Variants in DISC1 observed in about 807,000 individuals in gnomAD.
The protein encoded by DISC1 is DISC1 scaffold protein, also known as disrupted in schizophrenia 1 protein.
A neutral mutation model predicts 84.5 loss-of-function variants in DISC1; 57 were observed. The observed-to-expected ratio is 0.67, with a 90% CI of 0.55 to 0.84. DISC1 has a LOEUF of 0.84. DISC1 is among the 40% of genes least tolerant of loss of function. DISC1 has a pLI of 0.00. For synonymous variants in DISC1, 411 were observed against 415.2 expected, an observed-to-expected ratio of 0.99 and a Z score of 0.12; for missense variants, 1,000 against 1,057.8, an observed-to-expected ratio of 0.95 and a Z score of 0.76.
At chr1:231,965,614 T>C (rs1484524499) in intron 10 of DISC1, among the ~76,000 whole-genome samples, 1 of 152,244 alleles carries the variant, frequency 6.6e-6, no homozygotes, top group Non-Finnish European at 1.5e-5. Flanking sequence ...CCTTGTTATG[T>C]CCTCCTCCTC....
intron 9 of DISC1, among the ~76,000 whole-genome samples, chr1:231,844,651 G>A (rs2083314810): frequency 6.6e-6 from 1 of 152,138 alleles, no homozygotes; most frequent in African/African-American, 2.4e-5. Flanking sequence ...ATTGGCAATT[G>A]GTCAAAAGAG....
At chr1:231,888,737 C>A (rs1357461359) in intron 9 of DISC1, among the ~76,000 whole-genome samples, 6 of 42,322 alleles carry the variant, frequency 1.4e-4, no homozygotes, top group African/African-American at 4.8e-4. Flanking sequence ...GGCTCTGTCT[C>A]CAAAAAAAAA....
chr1:231,675,033 G>A lies in DISC1; in HGVS notation c.68-18793G>A, dbSNP rs921028957. Among the ~76,000 whole-genome samples the A allele has an allele frequency of 6.6e-6, 1 of 152,160 alleles. No individual in the cohort carries two copies. The highest frequency in any genetic ancestry group is 6.5e-5 in the Admixed American group (1 of 15,272). The stretch of plus-strand genomic sequence containing the variant: ...AAATGTGCCCACAAGCATAATCTCT[G>A]AATTGGTGGATTTAAAACAAAGTTG... On this transcript the variant is annotated intron_variant, in intron 1 of 12. Coordinates refer to ENST00000439617, the MANE Select transcript of DISC1 (RefSeq NM_018662.3). The surrounding 1 kb of genome is among the most constrained non-coding windows in gnomAD (Gnocchi z 4.1).
chr1:231,944,316 G>C (rs1398906974), intron 9 of DISC1, among the ~76,000 whole-genome samples: 1 of 152,168 alleles, frequency 6.6e-6, no homozygotes, highest in Non-Finnish European at 1.5e-5. Flanking sequence ...GGTTTCTGCA[G>C]CTACTCCCAG....
intron 9 of DISC1, among the ~76,000 whole-genome samples, chr1:231,886,764 T>C (rs1346891268): frequency 3.2e-5 from 3 of 94,720 alleles, no homozygotes; most frequent in East Asian, 3.0e-4. Context: ...TCTTCCTTCC[T>C]TCCTTTCTTT....
chr1:232,034,751 C>G (rs1670359366), intron 12 of DISC1, among the ~76,000 whole-genome samples: 1 of 152,204 alleles, frequency 6.6e-6, no homozygotes, highest in African/African-American at 2.4e-5. Flanking sequence ...CATGCCTGCT[C>G]TTCACAGATG....
chr1:231,720,087 G>A (rs965764816), intron 3 of DISC1, among the ~76,000 whole-genome samples: 1 of 152,150 alleles, frequency 6.6e-6, no homozygotes, highest in Non-Finnish European at 1.5e-5. Context: ...GCTACCGAGC[G>A]TGGCAACTTC....
intron 1 of DISC1, among the ~76,000 whole-genome samples, chr1:231,650,470 C>T (rs1044867505): frequency 1.3e-5 from 2 of 152,182 alleles, no homozygotes; most frequent in Non-Finnish European, 2.9e-5. Flanking sequence ...GGTAACCCGA[C>T]CTTTCTCTCT....
At chr1:231,857,460 G>A (rs1258586399) in intron 9 of DISC1, among the ~76,000 whole-genome samples, 1 of 152,092 alleles carries the variant, frequency 6.6e-6, no homozygotes, top group Admixed American at 6.5e-5. Flanking sequence ...ACTGGCCTGG[G>A]AATCACGACA....
intron 6 of DISC1, among the ~76,000 whole-genome samples, chr1:231,777,780 T>A (rs1434423296): frequency 6.6e-6 from 1 of 152,226 alleles, no homozygotes; most frequent in Non-Finnish European, 1.5e-5. Context: ...TTTTAATATC[T>A]CTGTTATTTA....
intron 9 of DISC1, among the ~76,000 whole-genome samples, chr1:231,928,923 A>T (rs1299245817): frequency 6.6e-6 from 1 of 152,178 alleles, no homozygotes; most frequent in Non-Finnish European, 1.5e-5. Context: ...TCTGAGAGAC[A>T]GTTTGTTATG....
chr1:231,966,423 T>A (rs1300732423), intron 10 of DISC1, among the ~76,000 whole-genome samples: 1 of 152,230 alleles, frequency 6.6e-6, no homozygotes, highest in Non-Finnish European at 1.5e-5. Context: ...ATCTGTTATC[T>A]TTTTTAAAGG....
chr1:231,920,551 G>A (rs1444978303), intron 9 of DISC1, among the ~76,000 whole-genome samples: 1 of 152,148 alleles, frequency 6.6e-6, no homozygotes, highest in Admixed American at 6.5e-5. Context: ...ATTTCACTTA[G>A]TGTAACGTCC....
At chr1:231,799,744 T>C (rs1187279497) in intron 7 of DISC1, among the ~76,000 whole-genome samples, 1 of 151,168 alleles carries the variant, frequency 6.6e-6, no homozygotes, top group Non-Finnish European at 1.5e-5. Context: ...ATCAGTTTTG[T>C]AATTGGATGT....
intron 9 of DISC1, among the ~76,000 whole-genome samples, chr1:231,839,751 C>T (rs151323264): frequency 1.4e-4 from 21 of 152,314 alleles, no homozygotes; most frequent in Middle Eastern, 3.4e-3. Flanking sequence ...CTGCCATCTG[C>T]TTCTGGCAAG....
chr1:231,898,331 A>G (rs1269871826), intron 9 of DISC1, among the ~76,000 whole-genome samples: 1 of 152,118 alleles, frequency 6.6e-6, no homozygotes, highest in Non-Finnish European at 1.5e-5. Context: ...TTCAGAAGGA[A>G]CTCAGGGGTG....
intron 2 of DISC1, among the ~76,000 whole-genome samples, chr1:231,696,786 G>A (rs897336262): frequency 6.6e-6 from 1 of 152,224 alleles, no homozygotes; most frequent in African/African-American, 2.4e-5. Context: ...AGGAGCAATA[G>A]ACTATTCCAT....
intron 7 of DISC1, among the ~76,000 whole-genome samples, chr1:231,796,098 AGAATAC>A (rs374388779): frequency 2.8e-4 from 43 of 152,312 alleles, no homozygotes; most frequent in African/African-American, 9.1e-4. Context: ...GTGTACAGAC[AGAATAC>A]GTCTTCACTA....
chr1:231,738,548 G>A (rs1037187271), intron 3 of DISC1, among the ~76,000 whole-genome samples: 10 of 151,994 alleles, frequency 6.6e-5, no homozygotes, highest in East Asian at 1.9e-4. Flanking sequence ...GATACTGTGC[G>A]TTCACATCAG....
Sources: gnomAD v4.1 joint callset for allele counts (sites outside exome capture counted in the v4.1 genomes callset) on GRCh38, gnomAD v4.1.1 for gene constraint, Gnocchi (gnomAD v3.1) non-coding constraint, MANE v1.5 for transcripts, NCBI Gene and HGNC (gene_info 2026-07-23, HGNC 2026-07-21) for gene names.